SLC2A2: variants seen among roughly 807,000 people sequenced by gnomAD.
SLC2A2 encodes solute carrier family 2 member 2, also known as solute carrier family 2, facilitated glucose transporter member 2.
SLC2A2 carries 36 observed loss-of-function variants against 54.5 expected under a neutral mutation model. The ratio of observed to expected loss-of-function variants is 0.66; its 90% CI spans 0.51 to 0.87. The LOEUF is 0.87. Ranked by LOEUF, SLC2A2 falls within the 40% of genes least tolerant of loss-of-function variation. The probability of loss-of-function intolerance (pLI) is 0.00; values close to 1 mark genes in which losing one functional copy is unlikely to be tolerated. For missense variants in SLC2A2, 543 were observed against 624.3 expected, an observed-to-expected ratio of 0.87 and a Z score of 1.39; for synonymous variants, 223 against 219.1, an observed-to-expected ratio of 1.02 and a Z score of -0.16.
At chr3:171,011,441 G>A (rs1324316033) in intron 3 of SLC2A2, among the ~76,000 whole-genome samples, 2 of 152,122 alleles carry the variant, frequency 1.3e-5, no homozygotes. Flanking sequence ...GTTGGTCACT[G>A]CAAGCTGGAA....
intron 2 of SLC2A2, among the ~76,000 whole-genome samples, chr3:171,016,058 A>C (rs1416849247): frequency 2.0e-5 from 3 of 152,120 alleles, no homozygotes; most frequent in African/African-American, 7.2e-5. Context: ...CTGGGTTACT[A>C]GTTATGGGCA....
In SLC2A2 at chr3:171,014,809, C is replaced by T. The variant is rs554882562; in HGVS notation, c.109-78G>A. The T allele has an allele frequency of 1.8e-5, 22 of 1,190,862 alleles. 1 individual carries two copies. The East Asian group carries it at 3.5e-4, about 19-fold the overall frequency. The allele number at this position is 1,190,862 out of a possible 1,614,324, so 73.8% of individuals were successfully genotyped here. On this transcript the variant is annotated intron_variant, in intron 2 of 10. Coordinates refer to ENST00000314251, the MANE Select transcript of SLC2A2 (RefSeq NM_000340.2). ...GTTTTTGTCTTTAAAGTGTTTGTTACGTGTTTAAATAGTACCATCTCAATT... is the reference window on the plus strand; with the variant it reads ...GTTTTTGTCTTTAAAGTGTTTGTTATGTGTTTAAATAGTACCATCTCAATT...
chr3:171,019,585 A>G (rs1214650996), intron 1 of SLC2A2, among the ~76,000 whole-genome samples: 1 of 152,174 alleles, frequency 6.6e-6, no homozygotes, highest in African/African-American at 2.4e-5. Flanking sequence ...TTTTTTGTGC[A>G]TGTGATAGCA....
chr3:171,005,990 G>C lies in SLC2A2; in HGVS notation c.728C>G (p.Pro243Arg). Residue 243 changes from proline to arginine, a missense_variant, in exon 6 of 11, where the codon CCC (proline) becomes CGC (arginine). Pro to Arg is a moderately radical substitution (Grantham distance 103). Transcript: ENST00000314251. Reference sequence around the variant, plus strand: ...ATCTAACTTGATGTAAAGGTATCTGGGGCTTTCTGGACAGAAAAAGAGTAG... The same window carrying C: ...ATCTAACTTGATGTAAAGGTATCTGCGGCTTTCTGGACAGAAAAAGAGTAG... Reference protein sequence around the residue: ...SLLLFFCPESPRYLYIKLDEE... With the variant: ...SLLLFFCPESRRYLYIKLDEE... 6.2e-7 allele frequency: 1 copy of C among 1,612,510 alleles called. No individual in the cohort carries two copies. The highest frequency in any genetic ancestry group is 8.5e-7 in the Non-Finnish European group (1 of 1,179,034).
At chr3:170,998,468 C>G in intron 9 of SLC2A2, 72 bp from the exon 10 acceptor site, 2 of 1,194,422 alleles carry the variant, frequency 1.7e-6, no homozygotes, top group East Asian at 2.4e-5. Context: ...TAAGTAGCCT[C>G]TGAGTTCACA....
chr3:171,026,603 C>T (rs1486979082), intron 1 of SLC2A2, 53 bp downstream of exon 1: 2 of 1,499,774 alleles, frequency 1.3e-6, no homozygotes, highest in Non-Finnish European at 1.9e-6. Context: ...TGACTGTATT[C>T]CCCTAACTAT....
chr3:170,998,139 G>T, intron 10 of SLC2A2, 36 bp from the exon 11 acceptor site: 1 of 1,613,250 alleles, frequency 6.2e-7, no homozygotes, highest in Non-Finnish European at 8.5e-7. Context: ...TGAGTTAGCA[G>T]TTTTTTGACC....
chr3:170,999,205 T>A (rs765715513), intron 8 of SLC2A2, 39 bp from the exon 9 acceptor site: 2 of 1,306,516 alleles, frequency 1.5e-6, no homozygotes, highest in Non-Finnish European at 2.2e-6. Flanking sequence ...GTTTTGTGAG[T>A]CACAAAATAT....
Position 171,014,578 on chromosome 3 carries a change from C to A in SLC2A2, c.262G>T (p.Ala88Ser), listed in dbSNP as rs763255363. The change falls in exon 3 of 11, where the codon GCA (alanine) becomes TCA (serine). Residue 88 changes from alanine to serine, a missense_variant. Ala to Ser is a moderately conservative substitution (Grantham distance 99, BLOSUM62 1). Coordinates refer to ENST00000314251, the MANE Select transcript of SLC2A2 (RefSeq NM_000340.2). ...PTPWAEEETVAAAQLITMLWS... is the reference protein window; with the variant it reads ...PTPWAEEETVSAAQLITMLWS... ...AGCATGGTGATTAGTTGAGCAGCTG[C>A]CACAGTCTCTTCCTCAGCCCAAGGG... The A allele has an allele frequency of 1.2e-6, 2 of 1,614,120 alleles. No individual in the cohort carries two copies. Among genetic ancestry groups the A allele is most frequent in the East Asian group, 4.5e-5 (2 of 44,884 alleles).
chr3:170,998,701 G>A (rs1401358721), intron 9 of SLC2A2, among the ~76,000 whole-genome samples: 1 of 152,110 alleles, frequency 6.6e-6, no homozygotes, highest in African/African-American at 2.4e-5. Context: ...TCCCTGTGAA[G>A]TAGTGGATGA....
At chr3:171,019,520 A>G (rs1328277914) in intron 1 of SLC2A2, among the ~76,000 whole-genome samples, 2 of 152,166 alleles carry the variant, frequency 1.3e-5, no homozygotes, top group African/African-American at 4.8e-5. Context: ...TCATATTTAC[A>G]TGTCTAACTA....
Position 171,014,580 on chromosome 3 carries a change from A to C in SLC2A2, c.260T>G (p.Val87Gly). 1 of 1,614,178 alleles carries C rather than the reference A, an allele frequency of 6.2e-7. No homozygotes were observed. The highest frequency in any genetic ancestry group is 8.5e-7 in the Non-Finnish European group (1 of 1,180,020). Residue 87 changes from valine (V) to glycine (G), a missense_variant, in exon 3 of 11, where the codon GTG (valine) becomes GGG (glycine). Val to Gly is a moderately radical substitution (Grantham distance 109). Coordinates refer to ENST00000314251, the MANE Select transcript of SLC2A2 (RefSeq NM_000340.2). Reference protein sequence around the residue: ...KPTPWAEEETVAAAQLITMLW... With the variant: ...KPTPWAEEETGAAAQLITMLW... Reference sequence around the variant, plus strand: ...CATGGTGATTAGTTGAGCAGCTGCCACAGTCTCTTCCTCAGCCCAAGGGGT... The same window carrying C: ...CATGGTGATTAGTTGAGCAGCTGCCCCAGTCTCTTCCTCAGCCCAAGGGGT...
At chr3:170,998,455 A>G in intron 9 of SLC2A2, 59 bp from the exon 10 acceptor site, 1 of 1,373,618 alleles carries the variant, frequency 7.3e-7, no homozygotes, top group Non-Finnish European at 1.0e-6. Flanking sequence ...TTTTTCCTTT[A>G]GCTAAGTAGC....
chr3:171,026,548 T>C lies in SLC2A2; in HGVS notation c.15+108A>G, dbSNP rs564602511. The C allele has an allele frequency of 3.2e-4, 277 of 870,314 alleles. 2 individuals are homozygous for C. Among genetic ancestry groups the C allele is most frequent in the East Asian group, 2.2e-3 (93 of 41,526 alleles). 53.9% of individuals were successfully genotyped at this position (870,314 alleles called of 1,614,324 possible). A position where few individuals can be genotyped will look rare whatever the true frequency, so the allele number is the denominator to read the frequency against. ...GCAAAGTAAAGAGAATTAATTTTGATCTGTGGTAGCTACACCCAACCTCCC... is the reference window on the plus strand; with the variant it reads ...GCAAAGTAAAGAGAATTAATTTTGACCTGTGGTAGCTACACCCAACCTCCC... On this transcript the variant is annotated intron_variant, in intron 1 of 10. Transcript: ENST00000314251.
chr3:171,013,939 C>A (rs1275489339), intron 3 of SLC2A2, among the ~76,000 whole-genome samples: 1 of 122,998 alleles, frequency 8.1e-6, no homozygotes, highest in African/African-American at 3.7e-5. Flanking sequence ...CTGGTTGGGG[C>A]TTTGAGATAG....
intron 7 of SLC2A2, among the ~76,000 whole-genome samples, chr3:171,003,025 T>C (rs911122288): frequency 6.6e-6 from 1 of 152,022 alleles, no homozygotes; most frequent in African/African-American, 2.4e-5. Flanking sequence ...AACACACCTA[T>C]GTAACTAGCA....
chr3:171,002,082 T>C (rs945827819), intron 8 of SLC2A2, among the ~76,000 whole-genome samples: 2 of 151,980 alleles, frequency 1.3e-5, no homozygotes, highest in African/African-American at 4.8e-5. Flanking sequence ...TCTGTTTAAC[T>C]TTGCTTAAAG....
chr3:170,998,842 C>T (rs1426917255), intron 9 of SLC2A2, among the ~76,000 whole-genome samples: 3 of 152,150 alleles, frequency 2.0e-5, no homozygotes, highest in Non-Finnish European at 4.4e-5. Flanking sequence ...CATGGCCTCC[C>T]TGGATGACAA....
At chr3:171,013,253 C>T (rs569073863) in intron 3 of SLC2A2, among the ~76,000 whole-genome samples, 7 of 152,150 alleles carry the variant, frequency 4.6e-5, no homozygotes, top group Middle Eastern at 3.4e-3. Flanking sequence ...AGAGAATTCT[C>T]CATTTACTAC....
Sources: allele counts gnomAD v4.1 joint callset (sites outside exome capture counted in the v4.1 genomes callset), GRCh38; gene constraint gnomAD v4.1.1; transcripts MANE v1.5; gene names NCBI Gene and HGNC (gene_info 2026-07-23, HGNC 2026-07-21).